The following ANKRD11 variants were observed in gnomAD, a reference collection of about 807,000 sequenced individuals.
The protein encoded by ANKRD11 is ankyrin repeat domain-containing protein 11.
In ANKRD11, 17 loss-of-function variants were observed where a neutral mutation model predicts 195.7. The observed-to-expected ratio is 0.09, with a 90% CI of 0.06 to 0.13. ANKRD11 has a LOEUF of 0.13. Ranked by LOEUF, ANKRD11 falls within the 10% of genes least tolerant of loss-of-function variation. The probability of loss-of-function intolerance (pLI) is 1.00; values close to 1 mark genes in which losing one functional copy is unlikely to be tolerated. For missense variants in ANKRD11, 3,735 were observed against 3,566.1 expected (o/e 1.05, Z -1.21); for synonymous variants, 1,953 against 1,528.1 (o/e 1.28, Z -6.49).
Position 89,279,717 on chromosome 16 carries a change from G to C in ANKRD11, c.6825C>G (p.Ala2275=). 6.5e-7 allele frequency: 1 copy of C among 1,533,242 alleles called. No homozygotes were observed. The highest frequency in any genetic ancestry group is 8.7e-7 in the Non-Finnish European group (1 of 1,145,004). The allele number at this position is 1,533,242 out of a possible 1,614,324, so 95.0% of individuals were successfully genotyped here. The change falls in exon 9 of 13, where the codon GCC becomes GCG. Residue 2275 remains alanine (A), a synonymous_variant. Coordinates refer to ENST00000301030, the MANE Select transcript of ANKRD11 (RefSeq NM_013275.6). This position sits in a 1 kb window ranked among gnomAD's most constrained non-coding sequence, Gnocchi z 5.6. ...AASLCAPDGP[A]PNTVAQAQAA... is the part of the protein sequence containing the mutation. ...CCTGAGCTTGTGCCACAGTGTTCGGGGCGGGGCCGTCAGGGGCACAGAGGG... is the reference window on the plus strand; with the variant it reads ...CCTGAGCTTGTGCCACAGTGTTCGGCGCGGGGCCGTCAGGGGCACAGAGGG...
chr16:89,403,942 A>C (rs190285869), intron 2 of ANKRD11, among the ~76,000 whole-genome samples: 110 of 152,250 alleles, frequency 7.2e-4, no homozygotes, highest in African/African-American at 2.5e-3. Flanking sequence ...CAAAACAACA[A>C]CACATCTTTA....
At chr16:89,387,994 C>T (rs1222940850) in intron 2 of ANKRD11, among the ~76,000 whole-genome samples, 6 of 144,242 alleles carry the variant, frequency 4.2e-5, no homozygotes, top group African/African-American at 1.5e-4. Flanking sequence ...GCCTGGGCAA[C>T]AGAGCAAGAC....
intron 4 of ANKRD11, chr16:89,301,314 G>C (rs886280819): frequency 3.4e-5 from 13 of 382,640 alleles, no homozygotes; most frequent in African/African-American, 2.7e-4. Context: ...TAAAAAAGTA[G>C]ACAAAGTAGT....
intron 2 of ANKRD11, among the ~76,000 whole-genome samples, chr16:89,338,697 C>T (rs985337194): frequency 9.5e-5 from 12 of 126,656 alleles, no homozygotes; most frequent in Non-Finnish European, 1.2e-4. Context: ...TGCCCTCCAG[C>T]CTGGGCAGCA....
At chr16:89,303,738 C>A (rs572403818) in intron 4 of ANKRD11, among the ~76,000 whole-genome samples, 1 of 152,350 alleles carries the variant, frequency 6.6e-6, no homozygotes, top group African/African-American at 2.4e-5. Flanking sequence ...ACAGGAGGGG[C>A]CACAGGCCTG....
intron 1 of ANKRD11, among the ~76,000 whole-genome samples, chr16:89,433,634 A>G (rs2043092059): frequency 6.6e-6 from 1 of 150,868 alleles, no homozygotes; most frequent in Non-Finnish European, 1.5e-5. Flanking sequence ...TGGACGCAGC[A>G]GGGCTGGGCA....
intron 2 of ANKRD11, among the ~76,000 whole-genome samples, chr16:89,327,054 A>G (rs62070808): frequency 4.6e-3 from 178 of 38,724 alleles, no homozygotes; most frequent in African/African-American, 9.6e-3. Flanking sequence ...CAGAGGTGGG[A>G]AATGCAGAGG....
chr16:89,323,396 A>G (rs944530842), intron 2 of ANKRD11: 2 of 1,193,626 alleles, frequency 1.7e-6, no homozygotes, highest in African/African-American at 3.7e-5. Flanking sequence ...AGGGGAGAGC[A>G]AGCAGCCCAG....
intron 2 of ANKRD11, among the ~76,000 whole-genome samples, chr16:89,391,873 G>T (rs2041214487): frequency 6.6e-6 from 1 of 152,216 alleles, no homozygotes; most frequent in African/African-American, 2.4e-5. Flanking sequence ...AGAAATCAAT[G>T]TACTTTATGT....
Position 89,268,305 on chromosome 16 carries a change from C to G in ANKRD11, c.*173G>C. The G allele has an allele frequency of 2.5e-6, 1 of 393,692 alleles. No homozygotes were observed. The highest frequency in any genetic ancestry group is 4.3e-5 in the East Asian group (1 of 23,254). The allele number at this position is 393,692 out of a possible 1,614,324, so 24.4% of individuals were successfully genotyped here. ...TAGAGAAGAGACGTGTTTCACCTCCCCGACGTCTGGACCAGTCTGGAAGGG... is the reference window on the plus strand; with the variant it reads ...TAGAGAAGAGACGTGTTTCACCTCCGCGACGTCTGGACCAGTCTGGAAGGG... On this transcript the variant is annotated 3_prime_UTR_variant, in exon 13 of 13. Transcript: ENST00000301030.
At chr16:89,413,066 G>C (rs1489847373) in intron 2 of ANKRD11, among the ~76,000 whole-genome samples, 4 of 152,172 alleles carry the variant, frequency 2.6e-5, no homozygotes, top group African/African-American at 9.7e-5. Context: ...AGAGCCTGGA[G>C]GGGGAGGGAG....
At chr16:89,387,151 CA>C (rs2040949333) in intron 2 of ANKRD11, among the ~76,000 whole-genome samples, 1 of 151,960 alleles carries the variant, frequency 6.6e-6, no homozygotes, top group South Asian at 2.1e-4. Context: ...ACACAGCCAC[CA>C]CCAAACAATG....
chr16:89,290,712 G>A lies in ANKRD11; in HGVS notation c.514C>T (p.Leu172=). 1 of 1,613,760 alleles carries A rather than the reference G, an allele frequency of 6.2e-7. No individual in the cohort carries two copies. Among genetic ancestry groups the A allele is most frequent in the Non-Finnish European group, 8.5e-7 (1 of 1,180,010 alleles). ...TCCCCGCGGATGGCGGCTCGGTGCA[G>A]GCGGGTCTCTCCACGCTCGTTTCTC... The part of the protein sequence containing the change: ...NKRNERGETR[L]HRAAIRGDAR... Residue 172 remains leucine (L), a synonymous_variant, in exon 6 of 13, where the codon CTG becomes TTG. Transcript: ENST00000301030.
At chr16:89,298,651 G>C (rs533898625) in intron 4 of ANKRD11, among the ~76,000 whole-genome samples, 2 of 152,184 alleles carry the variant, frequency 1.3e-5, no homozygotes, top group Non-Finnish European at 2.9e-5. Flanking sequence ...ACCCCAGCTT[G>C]TCTGTGTTGT....
chr16:89,363,181 T>C (rs2039804616), intron 2 of ANKRD11, among the ~76,000 whole-genome samples: 1 of 152,208 alleles, frequency 6.6e-6, no homozygotes, highest in Non-Finnish European at 1.5e-5. Context: ...AAAAAAAATA[T>C]ACGATGTTTC....
chr16:89,407,604 T>C (rs113422304), intron 2 of ANKRD11, among the ~76,000 whole-genome samples: 4,340 of 152,250 alleles, frequency 0.029, 212 homozygotes, highest in African/African-American at 0.1. Context: ...GTGGATTGCT[T>C]GAGTTCAGGA....
intron 9 of ANKRD11, chr16:89,278,239 C>T: frequency 2.9e-6 from 1 of 344,988 alleles, no homozygotes; most frequent in Non-Finnish European, 5.7e-6. Context: ...CAGGCCGTCA[C>T]CGAGGACAGA....
At chr16:89,482,784 C>G (rs568208070) in intron 1 of ANKRD11, among the ~76,000 whole-genome samples, 44 of 152,276 alleles carry the variant, frequency 2.9e-4, no homozygotes, top group Admixed American at 4.6e-4. Flanking sequence ...AGAGCCGAGA[C>G]TCTCCAAAAA....
chr16:89,472,025 C>A (rs554148046), intron 1 of ANKRD11, among the ~76,000 whole-genome samples: 1 of 152,032 alleles, frequency 6.6e-6, no homozygotes, highest in Non-Finnish European at 1.5e-5. Flanking sequence ...AGCTGTTGTA[C>A]CCATCCTTGA....
Sources: gnomAD v4.1 joint callset for allele counts (sites outside exome capture counted in the v4.1 genomes callset) on GRCh38, gnomAD v4.1.1 for gene constraint, Gnocchi (gnomAD v3.1) non-coding constraint, MANE v1.5 for transcripts, NCBI Gene and HGNC (gene_info 2026-07-23, HGNC 2026-07-21) for gene names.